KCNQ2: variants seen among roughly 807,000 people sequenced by gnomAD.
KCNQ2 encodes potassium voltage-gated channel subfamily KQT member 2.
Under a neutral mutation model 84.8 loss-of-function variants are expected in KCNQ2, and 14 were observed. That is an observed-to-expected ratio of 0.17 (90% CI 0.11 to 0.26). The LOEUF is 0.26. Among genes scored for constraint, KCNQ2 ranks in the 10% least tolerant of loss-of-function variants. The pLI, the probability that KCNQ2 is intolerant of heterozygous loss-of-function variation, is 1.00. For synonymous variants in KCNQ2, 599 were observed against 554.1 expected (o/e 1.08, Z -1.14); for missense variants, 788 against 1,254.0 (o/e 0.63, Z 5.61).
rs754310883 is a variant in KCNQ2 at position 63,406,759 on chromosome 20, G to A, written c.2504C>T (p.Ala835Val). Residue 835 changes from alanine (A) to valine (V), a missense_variant, in exon 17 of 17, where the codon GCG becomes GTG. Ala to Val is a moderately conservative substitution (Grantham distance 64). This residue lies in a region of KCNQ2 where 378 missense variants were observed against 434.5 expected (regional missense o/e 0.87). Coordinates refer to ENST00000359125, the MANE Select transcript of KCNQ2 (RefSeq NM_172107.4). The part of the protein sequence containing the change: ...APCAKVRPYI[A>V]EGESDTDSDL... ...GGAGTCGGTGTCTGACTCTCCCTCCGCAATGTAGGGCCTGACTTTGGCACA... is the reference window on the plus strand; with the variant it reads ...GGAGTCGGTGTCTGACTCTCCCTCCACAATGTAGGGCCTGACTTTGGCACA... The A allele has an allele frequency of 3.7e-6, 6 of 1,612,124 alleles. No homozygotes were observed. The highest frequency in any genetic ancestry group is 1.3e-5 in the African/African-American group (1 of 74,942).
chr20:63,413,990 G>A (rs1404532689), intron 14 of KCNQ2, 98 bp downstream of exon 14: 13 of 878,532 alleles, frequency 1.5e-5, no homozygotes, highest in East Asian at 7.5e-5. Context: ...GTCTCTGGGC[G>A]GCTCTGTCCA....
intron 15 of KCNQ2, chr20:63,412,314 C>T (rs1186891817): frequency 5.8e-6 from 1 of 172,424 alleles, no homozygotes; most frequent in Non-Finnish European, 1.2e-5. Context: ...AAATTTAGGA[C>T]AAGAGATCCT....
intron 10 of KCNQ2, 145 bp from the exon 11 acceptor site, chr20:63,424,351 GC>G: frequency 2.1e-6 from 2 of 936,864 alleles, no homozygotes; most frequent in Non-Finnish European, 3.3e-6. Flanking sequence ...GGTGGAGCTG[GC>G]CCACCCACCC....
At chr20:63,443,248 CATCACCATCGCCACCAT>C (rs2081290872) in intron 4 of KCNQ2, among the ~76,000 whole-genome samples, 2 of 54,816 alleles carry the variant, frequency 3.6e-5, no homozygotes, top group Non-Finnish European at 7.8e-5. Context: ...ACCACCATCA[CATCACCATCGCCACCAT>C]CATCACCACC....
In KCNQ2 at chr20:63,405,727, G is replaced by T. The variant is rs1189300708; in HGVS notation, c.*917C>A. Reference sequence around the variant, plus strand: ...TGCCGGCACCCGGCCAGGGCAGTCAGGAGAGAGGGGAGGACTTGGGGTCCT... The same window carrying T: ...TGCCGGCACCCGGCCAGGGCAGTCATGAGAGAGGGGAGGACTTGGGGTCCT... On this transcript the variant is annotated 3_prime_UTR_variant, in exon 17 of 17. Coordinates refer to ENST00000359125, the MANE Select transcript of KCNQ2 (RefSeq NM_172107.4). 6.6e-6 allele frequency: 1 copy of T among 152,412 alleles called. No individual in the cohort carries two copies. Among genetic ancestry groups the T allele is most frequent in the Non-Finnish European group, 1.5e-5 (1 of 68,196 alleles). 9.4% of individuals were successfully genotyped at this position (152,412 alleles called of 1,614,324 possible).
intron 7 of KCNQ2, among the ~76,000 whole-genome samples, chr20:63,437,140 C>T (rs1341190948): frequency 6.6e-6 from 1 of 152,152 alleles, no homozygotes; most frequent in Non-Finnish European, 1.5e-5. Context: ...GCTTTATTGC[C>T]GTATCTCTAC....
rs765301241 is a variant in KCNQ2 at position 63,414,969 on chromosome 20, C to T, written c.1459G>A (p.Gly487Arg). 3.7e-6 allele frequency: 6 copies of T among 1,612,294 alleles called. No homozygotes were observed. The highest frequency in any genetic ancestry group is 1.1e-5 in the South Asian group (1 of 91,060). ...PSKVPKSWSF[G>R]DRSRARQAFR... ...GCCTGGCGTGCCCGGCTGCGGTCCC[C>T]GAAGCTCCAGCTCTTGGGCACCTTG... Residue 487 changes from glycine to arginine, a missense_variant, in exon 13 of 17, where the codon GGG becomes AGG. Gly to Arg is a moderately radical substitution (Grantham distance 125). Coordinates refer to ENST00000359125, the MANE Select transcript of KCNQ2 (RefSeq NM_172107.4). This position sits in a 1 kb window ranked among gnomAD's most constrained non-coding sequence, Gnocchi z 6.6.
intron 1 of KCNQ2, among the ~76,000 whole-genome samples, chr20:63,465,073 G>A (rs1442650253): frequency 2.6e-5 from 4 of 152,228 alleles, no homozygotes; most frequent in Non-Finnish European, 4.4e-5. Flanking sequence ...GCCTGGCCCC[G>A]GGAAGCGACA....
At chr20:63,441,462 C>T (rs1037230049) in intron 5 of KCNQ2, among the ~76,000 whole-genome samples, 1 of 152,172 alleles carries the variant, frequency 6.6e-6, no homozygotes, top group Non-Finnish European at 1.5e-5. Context: ...GGCTTAGTAA[C>T]TCTCTGACAT....
chr20:63,467,864 G>A (rs1568979738), intron 1 of KCNQ2, among the ~76,000 whole-genome samples: 1 of 152,136 alleles, frequency 6.6e-6, no homozygotes, highest in East Asian at 1.9e-4. Flanking sequence ...TATCCAGGGC[G>A]CCGGCACCTC....
intron 11 of KCNQ2, among the ~76,000 whole-genome samples, chr20:63,421,536 G>A (rs1471306263): frequency 6.6e-6 from 1 of 152,180 alleles, no homozygotes; most frequent in East Asian, 1.9e-4. Flanking sequence ...TCCACACTGC[G>A]TGAGAAGGCC....
chr20:63,426,491 C>T (rs1300286043), intron 10 of KCNQ2, among the ~76,000 whole-genome samples: 1 of 136,818 alleles, frequency 7.3e-6, no homozygotes, highest in Non-Finnish European at 1.6e-5. Flanking sequence ...GCAGTTCTGC[C>T]CTGAATGCCT....
chr20:63,461,574 G>T (rs1212864487), intron 1 of KCNQ2, among the ~76,000 whole-genome samples: 1 of 152,166 alleles, frequency 6.6e-6, no homozygotes, highest in Non-Finnish European at 1.5e-5. Flanking sequence ...CAGCACCCCG[G>T]GGGCCGGCCC....
At chr20:63,424,980 C>G (rs3787118) in intron 10 of KCNQ2, among the ~76,000 whole-genome samples, 14,016 of 152,204 alleles carry the variant, frequency 0.092, 1,523 homozygotes, top group East Asian at 0.56. Flanking sequence ...TGCCGTGGAA[C>G]ATGGTCCACG....
chr20:63,432,160 TCAGGGAAGGCCACACCCA>T (rs2080824137), intron 8 of KCNQ2, among the ~76,000 whole-genome samples: 2 of 109,260 alleles, frequency 1.8e-5, no homozygotes, highest in Admixed American at 9.9e-5. Context: ...GGCCCCACCC[TCAGGGAAGGCCACACCCA>T]CAGGGAAGGC....
In KCNQ2 at chr20:63,438,354, G is replaced by A; in HGVS notation, c.1023+271C>T. On this transcript the variant is annotated intron_variant, in intron 7 of 16. Coordinates refer to ENST00000359125, the MANE Select transcript of KCNQ2 (RefSeq NM_172107.4). The surrounding 1 kb of genome is among the most constrained non-coding windows in gnomAD (Gnocchi z 5.1). ...TGCTCACCTCCCAGGGTGCGGTAGA[G>A]AGGACCTGATGGCCGGGCCCCAGCA... 1 of 565,564 alleles carries A rather than the reference G, an allele frequency of 1.8e-6. No homozygotes were observed. The highest frequency in any genetic ancestry group is 3.2e-6 in the Non-Finnish European group (1 of 313,382). 35.0% of individuals were successfully genotyped at this position (565,564 alleles called of 1,614,324 possible).
In KCNQ2 at chr20:63,425,231, G is replaced by A. The variant is rs2145621009; in HGVS notation, c.1218-1025C>T. Among the ~76,000 whole-genome samples, 1 of 152,302 alleles carries A rather than the reference G, an allele frequency of 6.6e-6. No homozygotes were observed. On this transcript the variant is annotated intron_variant, in intron 10 of 16. Coordinates refer to ENST00000359125, the MANE Select transcript of KCNQ2 (RefSeq NM_172107.4). This position sits in a 1 kb window ranked among gnomAD's most constrained non-coding sequence, Gnocchi z 5.5. Reference sequence around the variant, plus strand: ...CAAGATCCCAAGCTCAGTTACAGCTGCAAGGACCCTTTCTCCAAATCAGGT... The same window carrying A: ...CAAGATCCCAAGCTCAGTTACAGCTACAAGGACCCTTTCTCCAAATCAGGT...
chr20:63,470,144 C>T (rs745502158), intron 1 of KCNQ2, among the ~76,000 whole-genome samples: 78 of 152,328 alleles, frequency 5.1e-4, no homozygotes, highest in Non-Finnish European at 7.3e-4. Flanking sequence ...TCTCCAGCCC[C>T]GCCGCTTAGA....
Position 63,406,727 on chromosome 20 carries a change from A to G in KCNQ2, c.2536T>C (p.Cys846Arg), listed in dbSNP as rs2079947062. The G allele has an allele frequency of 6.2e-7, 1 of 1,608,756 alleles. No homozygotes were observed. Among genetic ancestry groups the G allele is most frequent in the African/African-American group, 1.3e-5 (1 of 74,880 alleles). ...EGESDTDSDL[C>R]TPCGPPPRSA... ...CGTGGCGGGGGCCCGCACGGGGTAC[A>G]GAGGTCGGAGTCGGTGTCTGACTCT... Residue 846 changes from cysteine to arginine, a missense_variant, in exon 17 of 17, where the codon TGT becomes CGT. Cys to Arg is a radical substitution (Grantham distance 180, BLOSUM62 -3). Transcript: ENST00000359125.
Sources: gnomAD v4.1 joint callset for allele counts (sites outside exome capture counted in the v4.1 genomes callset) on GRCh38, gnomAD v4.1.1 for gene constraint, gnomAD v4.1.1 regional missense constraint, Gnocchi (gnomAD v3.1) non-coding constraint, MANE v1.5 for transcripts, NCBI Gene and HGNC (gene_info 2026-07-23, HGNC 2026-07-21) for gene names.